Variants in CUL1 observed in about 807,000 individuals in gnomAD.
CUL1 encodes cullin 1.
Under a neutral mutation model 118.0 loss-of-function variants are expected in CUL1, and 24 were observed. The ratio of observed to expected loss-of-function variants is 0.20; its 90% CI spans 0.15 to 0.29. The LOEUF (loss-of-function observed/expected upper bound fraction) is 0.29. CUL1 is among the 10% of genes least tolerant of loss of function. The pLI, the probability that CUL1 is intolerant of heterozygous loss-of-function variation, is 1.00. For synonymous variants in CUL1, 332 were observed against 340.4 expected (o/e 0.98, Z 0.27); for missense variants, 361 against 933.8 (o/e 0.39, Z 7.99).
At chr7:148,701,927 G>C (rs917660677) in intron 1 of CUL1, among the ~76,000 whole-genome samples, 8 of 152,202 alleles carry the variant, frequency 5.3e-5, no homozygotes, top group Non-Finnish European at 1.0e-4. Context: ...GTCTTTGGGG[G>C]ACTGTCAGCT....
Position 148,698,960 on chromosome 7 carries a change from T to G in CUL1, c.-231T>G. ...GCTAGACCTTGGCGGGACGGGGCTT[T>G]CGCCGGGGCCCAGGCCCAGGGACCA... On this transcript the variant is annotated 5_prime_UTR_variant, in exon 1 of 22. Coordinates refer to ENST00000325222, the MANE Select transcript of CUL1 (RefSeq NM_003592.3). 6.5e-6 allele frequency: 1 copy of G among 153,538 alleles called. No individual in the cohort carries two copies. Among genetic ancestry groups the G allele is most frequent in the Non-Finnish European group, 1.5e-5 (1 of 68,660 alleles). 9.5% of individuals were successfully genotyped at this position (153,538 alleles called of 1,614,324 possible).
chr7:148,746,549 T>A (rs1454844142), intron 2 of CUL1, among the ~76,000 whole-genome samples: 1 of 152,210 alleles, frequency 6.6e-6, no homozygotes, highest in Admixed American at 6.5e-5. Flanking sequence ...GCTAACATAC[T>A]TAGTGGCTCG....
In CUL1 at chr7:148,725,211, ACGCGCGCGCT is replaced by A. The variant is rs1295497386; in HGVS notation, c.-161-4749_-161-4740del. 3.1e-3 allele frequency among the ~76,000 whole-genome samples: 441 copies of A among 143,340 alleles called. 2 individuals are homozygous for A. The highest frequency in any genetic ancestry group is 0.011 in the African/African-American group (392 of 34,544). 94.0% of individuals were successfully genotyped at this position (143,340 alleles called of 152,430 possible). On this transcript the variant is annotated intron_variant, in intron 1 of 21. Transcript: ENST00000325222. ...CATGCGCGCGTGTACACACACACAC[ACGCGCGCGCT>A]CACACACACACACACACACACACAC... is the stretch of plus-strand genomic sequence containing the variant.
At chr7:148,755,871 T>C (rs927935678) in intron 3 of CUL1, among the ~76,000 whole-genome samples, 1 of 152,330 alleles carries the variant, frequency 6.6e-6, no homozygotes, top group Non-Finnish European at 1.5e-5. Context: ...GAGCTTCCAG[T>C]CTGTTGTAGC....
In CUL1 at chr7:148,787,334, C is replaced by T. The variant is rs762251633; in HGVS notation, c.1479+214C>T. On this transcript the variant is annotated intron_variant, in intron 13 of 21. Coordinates refer to ENST00000325222, the MANE Select transcript of CUL1 (RefSeq NM_003592.3). This position sits in a 1 kb window ranked among gnomAD's most constrained non-coding sequence, Gnocchi z 5.5. ...AACATTAGCCGGGCATGGTGGTGGGCGCCTGTAGTCCCAGCTACTTGGGAG... is the reference window on the plus strand; with the variant it reads ...AACATTAGCCGGGCATGGTGGTGGGTGCCTGTAGTCCCAGCTACTTGGGAG... Among the ~76,000 whole-genome samples, 7 of 151,964 alleles carry T rather than the reference C, an allele frequency of 4.6e-5. No homozygotes were observed. The highest frequency in any genetic ancestry group is 8.8e-5 in the Non-Finnish European group (6 of 67,948).
chr7:148,794,550 C>T (rs1801120609), intron 17 of CUL1, among the ~76,000 whole-genome samples: 1 of 152,122 alleles, frequency 6.6e-6, no homozygotes, highest in Non-Finnish European at 1.5e-5. Flanking sequence ...TATTCTGGAT[C>T]CCTTATGTTA....
chr7:148,759,189 A>C (rs1799758871), intron 4 of CUL1, 115 bp from the exon 5 acceptor site: 1 of 1,021,256 alleles, frequency 9.8e-7, no homozygotes, highest in African/African-American at 1.6e-5. Flanking sequence ...GATTTTGACC[A>C]ACTTGTAATC....
intron 4 of CUL1, among the ~76,000 whole-genome samples, chr7:148,759,035 G>A (rs966390749): frequency 2.0e-5 from 3 of 152,098 alleles, no homozygotes; most frequent in South Asian, 2.1e-4. Context: ...AAATCATTAC[G>A]GTTTTTAAAC....
chr7:148,709,923 A>C (rs868841553), intron 1 of CUL1, among the ~76,000 whole-genome samples: 18 of 151,970 alleles, frequency 1.2e-4, no homozygotes, highest in South Asian at 2.1e-4. Flanking sequence ...TCTGTACAAA[A>C]AATGAAAAGA....
chr7:148,710,770 TCTC>T (rs1798026479), intron 1 of CUL1, among the ~76,000 whole-genome samples: 1 of 151,826 alleles, frequency 6.6e-6, no homozygotes, highest in African/African-American at 2.4e-5. Flanking sequence ...TTCAAGCAAT[TCTC>T]CTGCGTCAGC....
At chr7:148,793,114 C>T (rs1446449366) in intron 17 of CUL1, among the ~76,000 whole-genome samples, 2 of 152,082 alleles carry the variant, frequency 1.3e-5, no homozygotes, top group Non-Finnish European at 2.9e-5. Flanking sequence ...GAGCTATGAT[C>T]GTGCCACTGT....
At chr7:148,769,100 G>A (rs1391719057) in intron 9 of CUL1, among the ~76,000 whole-genome samples, 1 of 152,040 alleles carries the variant, frequency 6.6e-6, no homozygotes, top group African/African-American at 2.4e-5. Context: ...GCCTGCACTC[G>A]GATCTCAGCT....
chr7:148,763,989 T>C (rs1249353481), intron 7 of CUL1, among the ~76,000 whole-genome samples: 8 of 151,968 alleles, frequency 5.3e-5, no homozygotes, highest in Admixed American at 5.2e-4. Flanking sequence ...AGGATGGCTT[T>C]GAAGAGTGAA....
intron 17 of CUL1, among the ~76,000 whole-genome samples, chr7:148,795,547 A>T (rs189569573): frequency 6.6e-6 from 1 of 152,168 alleles, no homozygotes; most frequent in African/African-American, 2.4e-5. Flanking sequence ...CGGGCGGATC[A>T]CGAGGTCAGG....
chr7:148,725,775 T>C (rs1798561006), intron 1 of CUL1, among the ~76,000 whole-genome samples: 1 of 152,226 alleles, frequency 6.6e-6, no homozygotes, highest in Admixed American at 6.5e-5. Context: ...TTCTTTGCTG[T>C]ATTAGTTATT....
chr7:148,776,898 T>G (rs1054967976), intron 9 of CUL1, among the ~76,000 whole-genome samples: 2 of 152,240 alleles, frequency 1.3e-5, no homozygotes, highest in Non-Finnish European at 2.9e-5. Flanking sequence ...ATTTCAGAAC[T>G]AACTTAATTA....
Position 148,783,377 on chromosome 7 carries a change from C to A in CUL1, c.1084-406C>A, listed in dbSNP as rs56354868. 4,061 of 985,462 alleles carry A rather than the reference C, an allele frequency of 4.1e-3. 141 individuals are homozygous for A. The African/African-American group carries it at 0.066, about 16-fold the overall frequency. The allele number at this position is 985,462 out of a possible 1,614,324, so 61.0% of individuals were successfully genotyped here. A position where few individuals can be genotyped will look rare whatever the true frequency, so the allele number is the denominator to read the frequency against. ...CCCCGCTTTCCCTCGCGTTGCCTGC[C>A]CAGCCGGGCTGATGACCGACCTCGG... On this transcript the variant is annotated intron_variant, in intron 9 of 21. Coordinates refer to ENST00000325222, the MANE Select transcript of CUL1 (RefSeq NM_003592.3).
At chr7:148,729,369 CTAG>C (rs1798682662) in intron 1 of CUL1, among the ~76,000 whole-genome samples, 1 of 152,158 alleles carries the variant, frequency 6.6e-6, no homozygotes, top group African/African-American at 2.4e-5. Context: ...ATGTACCTAT[CTAG>C]TAGATGTGGC....
chr7:148,713,404 G>A (rs1396997511), intron 1 of CUL1, among the ~76,000 whole-genome samples: 2 of 152,214 alleles, frequency 1.3e-5, no homozygotes, highest in Admixed American at 6.5e-5. Context: ...TTATACCAGT[G>A]ACGCTTGTGG....
Sources: gnomAD v4.1 joint callset for allele counts (sites outside exome capture counted in the v4.1 genomes callset) on GRCh38, gnomAD v4.1.1 for gene constraint, Gnocchi (gnomAD v3.1) non-coding constraint, MANE v1.5 for transcripts, NCBI Gene and HGNC (gene_info 2026-07-23, HGNC 2026-07-21) for gene names.